The following ELL2 variants were observed in gnomAD, a reference collection of about 807,000 sequenced individuals.
The protein encoded by ELL2 is elongation factor for RNA polymerase II 2.
A neutral mutation model predicts 72.8 loss-of-function variants in ELL2; 21 were observed. The observed-to-expected ratio is 0.29, with a 90% CI of 0.20 to 0.42. The LOEUF (loss-of-function observed/expected upper bound fraction) is 0.42, where lower values mean the gene tolerates loss of function less well. Among genes scored for constraint, ELL2 ranks in the 10% least tolerant of loss-of-function variants. The pLI, the probability that ELL2 is intolerant of heterozygous loss-of-function variation, is 1.00. For missense variants in ELL2, 568 were observed against 772.8 expected (o/e 0.73, Z 3.14); for synonymous variants, 266 against 283.2 (o/e 0.94, Z 0.61).
At position 95,913,871 on chromosome 5, in the gene ELL2, T is replaced by A; in HGVS notation, c.381A>T (p.Thr127=). Residue 127 remains threonine, a synonymous_variant, in exon 4 of 12, where the codon ACA becomes ACT. Coordinates refer to ENST00000237853, the MANE Select transcript of ELL2 (RefSeq NM_012081.6). The part of the protein sequence containing the change: ...FIQDKITVCA[T]NDSYQMTRER... The stretch of plus-strand genomic sequence containing the variant: ...CTCGTGTCATCTGATACGAGTCGTT[T>A]GTTGCACACACTGTAATTTTATCTT... 1 of 1,613,508 alleles carries A rather than the reference T, an allele frequency of 6.2e-7. No homozygotes were observed. Among genetic ancestry groups the A allele is most frequent in the Non-Finnish European group, 8.5e-7 (1 of 1,179,784 alleles).
chr5:95,901,100 C>T lies in ELL2; in HGVS notation c.742-20G>A, dbSNP rs758799288. On this transcript the variant is annotated intron_variant, in intron 5 of 11. Coordinates refer to ENST00000237853, the MANE Select transcript of ELL2 (RefSeq NM_012081.6). ...GGCTACCTAGTATGAGGTATAAAAA[C>T]AGAGCATTAGGTATTTTTACTATCA... 3 of 1,585,830 alleles carry T rather than the reference C, an allele frequency of 1.9e-6. No homozygotes were observed. In the Admixed American group the frequency reaches 5.8e-5, roughly 31 times the overall value.
At position 95,961,560 on chromosome 5, in the gene ELL2, G is replaced by C. The variant is rs199813969; in HGVS notation, c.147+15C>G. On this transcript the variant is annotated intron_variant, in intron 1 of 11. Transcript: ENST00000237853. The stretch of plus-strand genomic sequence containing the variant: ...TCTGCCTCTCTGAGCCCAGCCTGCC[G>C]GCCGGCCCGCTCACCTTGTGGCTCT... 1,216 of 1,566,602 alleles carry C rather than the reference G, an allele frequency of 7.8e-4. 3 individuals carry two copies. Among genetic ancestry groups the C allele is most frequent in the Non-Finnish European group, 7.4e-4 (859 of 1,159,304 alleles).
intron 2 of ELL2, 130 bp from the exon 3 acceptor site, chr5:95,919,675 G>A (rs4642392): frequency 0.3 from 313,748 of 1,037,400 alleles, 51,872 homozygotes; most frequent in African/African-American, 0.6. Context: ...ATACATCCTC[G>A]CAGCATTTAA....
At position 95,898,415 on chromosome 5, in the gene ELL2, A is replaced by G. The variant is rs1457220712; in HGVS notation, c.1350T>C (p.Pro450=). 6.2e-7 allele frequency: 1 copy of G among 1,613,388 alleles called. No homozygotes were observed. The highest frequency in any genetic ancestry group is 1.1e-5 in the South Asian group (1 of 91,044). The change falls in exon 8 of 12, where the codon CCT becomes CCC. Residue 450 remains proline, a synonymous_variant. Transcript: ENST00000237853. The stretch of plus-strand genomic sequence containing the variant: ...GAGACATTGAATGGTTTTCTTCCAT[A>G]GGCTTTGGACACTTTAGTAGAACGG... ...PGSVLLKCPK[P]MEENHSMSHK...
At chr5:95,925,611 G>C (rs1750254542) in intron 2 of ELL2, among the ~76,000 whole-genome samples, 1 of 152,194 alleles carries the variant, frequency 6.6e-6, no homozygotes, top group Admixed American at 6.5e-5. Flanking sequence ...GTGGATTAAT[G>C]CCTGAGCCAG....
chr5:95,891,727 C>T (rs1050733720), intron 9 of ELL2, among the ~76,000 whole-genome samples: 1 of 152,166 alleles, frequency 6.6e-6, no homozygotes, highest in African/African-American at 2.4e-5. Context: ...TCTCTCTGGA[C>T]CTACTGCTTT....
chr5:95,955,280 C>T (rs1330868595), intron 1 of ELL2, among the ~76,000 whole-genome samples: 1 of 152,224 alleles, frequency 6.6e-6, no homozygotes, highest in Non-Finnish European at 1.5e-5. Flanking sequence ...ATGAAACCAG[C>T]AGCCAAATGC....
intron 5 of ELL2, among the ~76,000 whole-genome samples, chr5:95,905,962 C>T (rs368490186): frequency 1.4e-4 from 22 of 152,210 alleles, no homozygotes; most frequent in South Asian, 8.3e-4. Context: ...CTTTCTTACA[C>T]GTAAGCTTGT....
chr5:95,960,520 G>A (rs1044402036), intron 1 of ELL2, among the ~76,000 whole-genome samples: 3 of 151,908 alleles, frequency 2.0e-5, no homozygotes, highest in East Asian at 1.9e-4. Context: ...GGGTGTGTGT[G>A]TATATGTGTG....
chr5:95,943,855 T>C (rs941069968), intron 1 of ELL2, among the ~76,000 whole-genome samples: 1 of 152,350 alleles, frequency 6.6e-6, no homozygotes, highest in Non-Finnish European at 1.5e-5. Flanking sequence ...TTATCATAAA[T>C]GTCAGCCATA....
intron 2 of ELL2, among the ~76,000 whole-genome samples, chr5:95,927,006 G>C (rs951257976): frequency 6.6e-6 from 1 of 152,024 alleles, no homozygotes; most frequent in African/African-American, 2.4e-5. Context: ...CTAAATGTTA[G>C]TGTTTCTGGT....
At chr5:95,935,177 C>G (rs1032311169) in intron 2 of ELL2, among the ~76,000 whole-genome samples, 1 of 152,104 alleles carries the variant, frequency 6.6e-6, no homozygotes, top group South Asian at 2.1e-4. Context: ...CATAAACCTA[C>G]AAATAGATTG....
chr5:95,900,898 C>T, intron 6 of ELL2, 58 bp downstream of exon 6: 1 of 1,567,224 alleles, frequency 6.4e-7, no homozygotes, highest in Non-Finnish European at 8.6e-7. Flanking sequence ...AAAATAATGA[C>T]TTATTTCCAT....
intron 4 of ELL2, among the ~76,000 whole-genome samples, chr5:95,910,158 T>C (rs539397521): frequency 7.9e-5 from 12 of 151,728 alleles, no homozygotes; most frequent in Admixed American, 4.6e-4. Context: ...CTAGTTCAAA[T>C]ACCCACCTTT....
At chr5:95,907,296 A>ATTTTTTTTTTTTTTTTTTTT (rs1211663802) in intron 4 of ELL2, among the ~76,000 whole-genome samples, 2 of 116,490 alleles carry the variant, frequency 1.7e-5, no homozygotes, top group Non-Finnish European at 3.3e-5. Context: ...ATATATATAT[A>ATTTTTTTTTTTTTTTTTTTT]TTTTTTTTTT....
At chr5:95,961,103 T>A (rs1407114143) in intron 1 of ELL2, among the ~76,000 whole-genome samples, 1 of 152,076 alleles carries the variant, frequency 6.6e-6, no homozygotes, top group Admixed American at 6.5e-5. Context: ...GCCTGTGTCC[T>A]GTCTCTGAGG....
intron 2 of ELL2, among the ~76,000 whole-genome samples, chr5:95,924,974 C>G (rs1750234298): frequency 1.3e-5 from 2 of 152,216 alleles, no homozygotes; most frequent in South Asian, 4.1e-4. Context: ...ACTGCTGCAA[C>G]TTTCTCATAT....
At chr5:95,904,440 T>A (rs1178188077) in intron 5 of ELL2, among the ~76,000 whole-genome samples, 2 of 152,220 alleles carry the variant, frequency 1.3e-5, no homozygotes, top group African/African-American at 4.8e-5. Context: ...TACATACCAG[T>A]TTAATAATAA....
At chr5:95,928,102 C>T (rs967807823) in intron 2 of ELL2, among the ~76,000 whole-genome samples, 16 of 151,800 alleles carry the variant, frequency 1.1e-4, no homozygotes, top group Admixed American at 8.5e-4. Flanking sequence ...ATGACAGTTA[C>T]TGGCAGGGGA....
Sources: allele counts gnomAD v4.1 joint callset (sites outside exome capture counted in the v4.1 genomes callset), GRCh38; gene constraint gnomAD v4.1.1; transcripts MANE v1.5; gene names NCBI Gene and HGNC (gene_info 2026-07-23, HGNC 2026-07-21).